APOLD1: variants seen among roughly 807,000 people sequenced by gnomAD.
The protein encoded by APOLD1 is apolipoprotein L domain-containing protein 1.
APOLD1 carries 22 observed loss-of-function variants against 15.3 expected under a neutral mutation model. That is an observed-to-expected ratio of 1.44 (90% confidence interval 1.03 to 2.05). The LOEUF is 2.05. Ranked by LOEUF, APOLD1 falls within the 30% of genes most tolerant of loss-of-function variation. The probability of loss-of-function intolerance (pLI) is 0.00; values close to 1 mark genes in which losing one functional copy is unlikely to be tolerated. For missense variants in APOLD1, 394 were observed against 353.5 expected (o/e 1.11, Z -0.92); for synonymous variants, 190 against 167.4 (o/e 1.13, Z -1.04).
Position 12,789,250 on chromosome 12 carries a change from G to C in APOLD1, c.*1598G>C, listed in dbSNP as rs1342366833. The C allele has an allele frequency of 6.6e-6, 1 of 152,206 alleles. No individual in the cohort carries two copies. 9.4% of individuals were successfully genotyped at this position (152,206 alleles called of 1,614,324 possible). A position where few individuals can be genotyped will look rare whatever the true frequency, so the allele number is the denominator to read the frequency against. ...GATGAGATTAAGTTTGAGTTTCTAA[G>C]GCAGGGCATGAGCTGGAAATAGCAT... On this transcript the variant is annotated 3_prime_UTR_variant, in exon 2 of 2. Coordinates refer to ENST00000356591, the MANE Select transcript of APOLD1 (RefSeq NM_030817.3).
intron 1 of APOLD1, among the ~76,000 whole-genome samples, chr12:12,753,771 G>A (rs60918835): frequency 6.6e-6 from 1 of 152,100 alleles, no homozygotes; most frequent in East Asian, 1.9e-4. Flanking sequence ...TTTCTGAGAT[G>A]GAAAGAAACT....
At chr12:12,775,515 A>G (rs1053149202) in intron 1 of APOLD1, among the ~76,000 whole-genome samples, 2 of 152,204 alleles carry the variant, frequency 1.3e-5, no homozygotes, top group Admixed American at 1.3e-4. Flanking sequence ...TAATGGGAGA[A>G]GTTATGCATG....
chr12:12,726,295 A>G, intron 1 of APOLD1: 1 of 679,822 alleles, frequency 1.5e-6, no homozygotes, highest in Non-Finnish European at 2.6e-6. Flanking sequence ...TTTGATTTCC[A>G]GAGCGTTTTT....
intron 1 of APOLD1, among the ~76,000 whole-genome samples, chr12:12,768,298 G>A (rs1447432902): frequency 7.1e-6 from 1 of 141,794 alleles, no homozygotes; most frequent in Admixed American, 6.9e-5. Context: ...GTCTCACAGG[G>A]TTTCCATATT....
chr12:12,769,574 C>T (rs34107699), intron 1 of APOLD1, among the ~76,000 whole-genome samples: 19,347 of 151,258 alleles, frequency 0.13, 1,230 homozygotes, highest in East Asian at 0.18. Context: ...ATTTTGCAAA[C>T]GATCCTCTCA....
chr12:12,787,755 G>T lies in APOLD1; in HGVS notation c.*103G>T, dbSNP rs1000341934. 8 of 1,480,880 alleles carry T rather than the reference G, an allele frequency of 5.4e-6. No individual in the cohort carries two copies. Among genetic ancestry groups the T allele is most frequent in the Admixed American group, 2.3e-5 (1 of 43,630 alleles). The allele number at this position is 1,480,880 out of a possible 1,614,324, so 91.7% of individuals were successfully genotyped here. On this transcript the variant is annotated 3_prime_UTR_variant, in exon 2 of 2. Transcript: ENST00000356591. This position sits in a 1 kb window ranked among gnomAD's most constrained non-coding sequence, Gnocchi z 4.9. ...AAAACACCAAGCTGGGTTAGGAGCC[G>T]AAGGCAAAGGATGAGAAAAACTGTT...
At chr12:12,763,475 C>T (rs943474330) in intron 1 of APOLD1, among the ~76,000 whole-genome samples, 3 of 151,234 alleles carry the variant, frequency 2.0e-5, no homozygotes, top group Non-Finnish European at 4.4e-5. Flanking sequence ...GGTTCTGCAT[C>T]TGTGGATTCA....
chr12:12,772,690 C>A (rs1028495193), intron 1 of APOLD1, among the ~76,000 whole-genome samples: 6 of 152,122 alleles, frequency 3.9e-5, no homozygotes, highest in Non-Finnish European at 7.3e-5. Context: ...ACATGTTCTT[C>A]TCAAAGTCAT....
rs1267285725 is a variant in APOLD1, at chr12:12,790,891, C to T, written c.*3239C>T. The T allele has an allele frequency of 6.6e-6, 1 of 152,094 alleles. No individual in the cohort carries two copies. Among genetic ancestry groups the T allele is most frequent in the African/African-American group, 2.4e-5 (1 of 41,408 alleles). The allele number at this position is 152,094 out of a possible 1,614,324, so 9.4% of individuals were successfully genotyped here. A position where few individuals can be genotyped will look rare whatever the true frequency, so the allele number is the denominator to read the frequency against. ...TTCCTTAAGGCCTTCATTCTTTAAA[C>T]AAACAGGTTGAAATGGTATGTTGTA... On this transcript the variant is annotated 3_prime_UTR_variant, in exon 2 of 2. Coordinates refer to ENST00000356591, the MANE Select transcript of APOLD1 (RefSeq NM_030817.3).
intron 1 of APOLD1, among the ~76,000 whole-genome samples, chr12:12,739,647 T>G (rs1219897648): frequency 2.6e-5 from 4 of 152,144 alleles, no homozygotes; most frequent in African/African-American, 9.7e-5. Flanking sequence ...TAATGGCTAT[T>G]TTTTTCCTAG....
rs754052532 is a variant in APOLD1 at position 12,787,300 on chromosome 12, G to T, written c.395G>T (p.Arg132Leu). ...GCGGCCACCTGCCAGGACCAGATGC[G>T]AGAGATCCTGAGCTGCCTCGAGTTT... ...EIAATCQDQM[R>L]EILSCLEFFC... Residue 132 changes from arginine to leucine, a missense_variant, in exon 2 of 2, where the codon CGA (arginine) becomes CTA (leucine). Coordinates refer to ENST00000356591, the MANE Select transcript of APOLD1 (RefSeq NM_030817.3). The surrounding 1 kb of genome is among the most constrained non-coding windows in gnomAD (Gnocchi z 4.9). 3.1e-6 allele frequency: 5 copies of T among 1,611,220 alleles called. No individual in the cohort carries two copies. Among genetic ancestry groups the T allele is most frequent in the Non-Finnish European group, 4.2e-6 (5 of 1,179,044 alleles).
intron 1 of APOLD1, among the ~76,000 whole-genome samples, chr12:12,746,411 G>A (rs988224789): frequency 2.6e-5 from 4 of 152,120 alleles, no homozygotes; most frequent in Admixed American, 2.0e-4. Context: ...CAGGAGAATC[G>A]CTTGAACCTG....
At chr12:12,753,196 A>G (rs1946825638) in intron 1 of APOLD1, among the ~76,000 whole-genome samples, 1 of 152,248 alleles carries the variant, frequency 6.6e-6, no homozygotes, top group Non-Finnish European at 1.5e-5. Flanking sequence ...TGAAAGAGAG[A>G]CAAGAAACTC....
upstream of APOLD1, chr12:12,785,592 C>G: frequency 1.9e-6 from 3 of 1,611,158 alleles, no homozygotes; most frequent in Non-Finnish European, 2.5e-6. Context: ...CAGAATGAGA[C>G]AAGGCTTTCC....
chr12:12,785,531 C>T (rs1212111883), upstream of APOLD1: 7 of 1,225,078 alleles, frequency 5.7e-6, no homozygotes, highest in South Asian at 4.1e-5. Flanking sequence ...CACCATGTCA[C>T]GTCCTTCTAG....
intron 1 of APOLD1, among the ~76,000 whole-genome samples, chr12:12,761,377 T>C (rs1946897264): frequency 6.6e-6 from 1 of 152,240 alleles, no homozygotes; most frequent in South Asian, 2.1e-4. Context: ...ACTAAAGCCT[T>C]ACTTTTTTAT....
intron 1 of APOLD1, among the ~76,000 whole-genome samples, chr12:12,757,490 C>A (rs530275407): frequency 6.6e-6 from 1 of 152,240 alleles, no homozygotes; most frequent in African/African-American, 2.4e-5. Context: ...TAAACTGAAA[C>A]ATAAAACACA....
intron 1 of APOLD1, among the ~76,000 whole-genome samples, chr12:12,780,207 G>GGCAAAAAT (rs1395579028): frequency 3.3e-5 from 5 of 151,554 alleles, no homozygotes; most frequent in Non-Finnish European, 7.4e-5. Flanking sequence ...AGAAATCATG[G>GGCAAAAAT]GCAAAAATCC....
intron 1 of APOLD1, among the ~76,000 whole-genome samples, chr12:12,773,211 A>G (rs1436185416): frequency 2.0e-5 from 3 of 152,260 alleles, no homozygotes; most frequent in Admixed American, 2.0e-4. Context: ...CTAAAAATCA[A>G]TAATCTAAGC....
Sources: gnomAD v4.1 joint callset for allele counts (sites outside exome capture counted in the v4.1 genomes callset) on GRCh38, gnomAD v4.1.1 for gene constraint, Gnocchi (gnomAD v3.1) non-coding constraint, MANE v1.5 for transcripts, NCBI Gene and HGNC (gene_info 2026-07-23, HGNC 2026-07-21) for gene names.